The following AFG1L variants were observed in gnomAD, a reference collection of about 807,000 sequenced individuals.
AFG1L encodes the protein AFG1 like ATPase, also known as AFG1-like ATPase.
In AFG1L, 53 loss-of-function variants were observed where a neutral mutation model predicts 62.2. The ratio of observed to expected loss-of-function variants is 0.85; its 90% CI spans 0.68 to 1.07. The LOEUF (loss-of-function observed/expected upper bound fraction) is 1.07. Ranked by LOEUF, AFG1L falls within the 50% of genes least tolerant of loss-of-function variation. The pLI, the probability that AFG1L is intolerant of heterozygous loss-of-function variation, is 0.00. For synonymous variants in AFG1L, 228 were observed against 210.3 expected, an observed-to-expected ratio of 1.08 and a Z score of -0.73; for missense variants, 555 against 590.5, an observed-to-expected ratio of 0.94 and a Z score of 0.62.
rs375140860 is a variant in AFG1L, at chr6:108,374,086, T to C, written c.748+7754T>C. ...TTTTCATTTGTGTTTCTCTCGTGAT[T>C]GGTGATGTGGATTTTTTTTTATATG... On this transcript the variant is annotated intron_variant, in intron 6 of 12. Transcript: ENST00000368977. 1.1e-4 allele frequency among the ~76,000 whole-genome samples: 17 copies of C among 152,268 alleles called. No homozygotes were observed. In the East Asian group the frequency reaches 1.9e-3, roughly 17 times the overall value.
At chr6:108,452,746 C>G (rs778360562) in intron 8 of AFG1L, among the ~76,000 whole-genome samples, 1 of 152,204 alleles carries the variant, frequency 6.6e-6, no homozygotes, top group Non-Finnish European at 1.5e-5. Flanking sequence ...CATGTTGTGT[C>G]AGTTCCCTCC....
intron 8 of AFG1L, among the ~76,000 whole-genome samples, chr6:108,465,879 C>T (rs928486115): frequency 6.6e-6 from 1 of 151,918 alleles, no homozygotes; most frequent in Non-Finnish European, 1.5e-5. Flanking sequence ...ATGTTTAACA[C>T]TTTAAAACAT....
Position 108,299,738 on chromosome 6 carries a change from G to A in AFG1L, c.139+4520G>A, listed in dbSNP as rs1311964851. On this transcript the variant is annotated intron_variant, in intron 1 of 12. Transcript: ENST00000368977. The stretch of plus-strand genomic sequence containing the variant: ...GGATTGCTTGCGGCCAGGAGTTTGA[G>A]ACAAGCCTGGGCAGCATAATGAGAC... Among the ~76,000 whole-genome samples, 3 of 152,276 alleles carry A rather than the reference G, an allele frequency of 2.0e-5. No homozygotes were observed. In the East Asian group the frequency reaches 5.8e-4, roughly 29 times the overall value.
rs62428897 is a variant in AFG1L, at chr6:108,488,274, C to T, written c.1062+10982C>T. On this transcript the variant is annotated intron_variant, in intron 10 of 12. Coordinates refer to ENST00000368977, the MANE Select transcript of AFG1L (RefSeq NM_145315.5). ...GGTACCAAGATGTGAGTAAGAGTCT[C>T]CACTTTTATGGAGTCTTAATTTAGA... Among the ~76,000 whole-genome samples the T allele has an allele frequency of 2.5e-3, 380 of 152,212 alleles. 1 individual carries two copies. The highest frequency in any genetic ancestry group is 4.3e-3 in the Non-Finnish European group (291 of 68,010).
chr6:108,414,799 A>T (rs143779178), intron 7 of AFG1L, among the ~76,000 whole-genome samples: 4,331 of 152,260 alleles, frequency 0.028, 94 homozygotes, highest in Middle Eastern at 0.085. Context: ...TTTATGACAA[A>T]CCCACAGCCA....
At position 108,486,200 on chromosome 6, in the gene AFG1L, G is replaced by C. The variant is rs1232473069; in HGVS notation, c.1062+8908G>C. On this transcript the variant is annotated intron_variant, in intron 10 of 12. Coordinates refer to ENST00000368977, the MANE Select transcript of AFG1L (RefSeq NM_145315.5). ...AGTACTTGTTTGATTTTTTTAAAAA[G>C]CTTTAACACTGATGGTTTTTCTATT... Among the ~76,000 whole-genome samples, 3 of 152,144 alleles carry C rather than the reference G, an allele frequency of 2.0e-5. No individual in the cohort carries two copies. In the East Asian group the frequency reaches 5.8e-4, roughly 29 times the overall value.
intron 1 of AFG1L, among the ~76,000 whole-genome samples, chr6:108,317,628 A>G (rs1475440353): frequency 6.6e-6 from 1 of 152,192 alleles, no homozygotes; most frequent in African/African-American, 2.4e-5. Context: ...ACACTTTAGC[A>G]GAGTTCAGGC....
chr6:108,340,278 A>G (rs1582401206), intron 2 of AFG1L, among the ~76,000 whole-genome samples: 1 of 151,372 alleles, frequency 6.6e-6, no homozygotes, highest in Non-Finnish European at 1.5e-5. Context: ...ATTCTTGCCC[A>G]TAATAACTGA....
At chr6:108,376,086 A>G (rs1198975263) in intron 6 of AFG1L, among the ~76,000 whole-genome samples, 2 of 152,050 alleles carry the variant, frequency 1.3e-5, no homozygotes, top group African/African-American at 2.4e-5. Flanking sequence ...TAGATTTTCT[A>G]GTTTGTGTGC....
chr6:108,518,506 G>T (rs1275656511), intron 11 of AFG1L, among the ~76,000 whole-genome samples: 1 of 133,592 alleles, frequency 7.5e-6, no homozygotes, highest in African/African-American at 2.8e-5. Context: ...GTTGTGGGGT[G>T]GGGGGAGGGG....
Position 108,522,433 on chromosome 6 carries a change from T to C in AFG1L, c.*8T>C. On this transcript the variant is annotated 3_prime_UTR_variant, in exon 13 of 13. Transcript: ENST00000368977. ...GACAGAACCAAGAAGTAACTGCCAC[T>C]TTTGCATAAATAAAACTCTAGACAA... 1.2e-6 allele frequency: 2 copies of C among 1,604,474 alleles called. No homozygotes were observed. Among genetic ancestry groups the C allele is most frequent in the Non-Finnish European group, 1.7e-6 (2 of 1,172,730 alleles).
chr6:108,388,345 T>A (rs1780866390), intron 6 of AFG1L, among the ~76,000 whole-genome samples: 1 of 152,106 alleles, frequency 6.6e-6, no homozygotes, highest in Non-Finnish European at 1.5e-5. Context: ...ATTCATTAAT[T>A]TTTTGAAGGG....
At chr6:108,500,171 CGTGTGT>C (rs61654685) in intron 10 of AFG1L, among the ~76,000 whole-genome samples, 140 of 135,132 alleles carry the variant, frequency 1.0e-3, no homozygotes, top group East Asian at 1.9e-3. Context: ...ATGGTGCGTG[CGTGTGT>C]GTGTGTGTGT....
intron 11 of AFG1L, among the ~76,000 whole-genome samples, chr6:108,516,834 G>C (rs1001518809): frequency 6.6e-6 from 1 of 152,058 alleles, no homozygotes; most frequent in Non-Finnish European, 1.5e-5. Context: ...GTGCAAAAAT[G>C]ACAAGCATTC....
chr6:108,306,935 G>C (rs903221738), intron 1 of AFG1L, among the ~76,000 whole-genome samples: 1 of 151,904 alleles, frequency 6.6e-6, no homozygotes, highest in South Asian at 2.1e-4. Flanking sequence ...GACTCTTAGA[G>C]TTATTAAAAC....
intron 7 of AFG1L, among the ~76,000 whole-genome samples, chr6:108,421,455 G>A (rs1770584778): frequency 1.3e-5 from 2 of 152,114 alleles, no homozygotes; most frequent in Admixed American, 1.3e-4. Flanking sequence ...GGCGTAATTA[G>A]CGTGTATGAA....
intron 2 of AFG1L, among the ~76,000 whole-genome samples, chr6:108,334,889 T>C (rs1778418675): frequency 6.6e-6 from 1 of 152,202 alleles, no homozygotes; most frequent in South Asian, 2.1e-4. Context: ...TTATTTTGTC[T>C]CTGGGTCTTT....
intron 10 of AFG1L, among the ~76,000 whole-genome samples, chr6:108,483,495 G>A (rs569269177): frequency 1.2e-4 from 18 of 152,200 alleles, no homozygotes; most frequent in Admixed American, 5.9e-4. Context: ...GAATCCTACC[G>A]AAAGAAAATA....
chr6:108,345,102 TTGA>T (rs1284232520), intron 2 of AFG1L, among the ~76,000 whole-genome samples: 1 of 152,180 alleles, frequency 6.6e-6, no homozygotes, highest in African/African-American at 2.4e-5. Flanking sequence ...ATTTTCACAC[TTGA>T]TGAATAGATT....
Sources: allele counts gnomAD v4.1 joint callset (sites outside exome capture counted in the v4.1 genomes callset), GRCh38; gene constraint gnomAD v4.1.1; transcripts MANE v1.5; gene names NCBI Gene and HGNC (gene_info 2026-07-23, HGNC 2026-07-21).